MAU2: variants seen among roughly 807,000 people sequenced by gnomAD.
MAU2 encodes MAU2 chromatid cohesion factor homolog.
In MAU2, 9 loss-of-function variants were observed where a neutral mutation model predicts 89.1. The observed-to-expected ratio is 0.10, with a 90% CI of 0.06 to 0.18. The LOEUF (loss-of-function observed/expected upper bound fraction) is 0.18. Among genes scored for constraint, MAU2 ranks in the 10% least tolerant of loss-of-function variants. The probability of loss-of-function intolerance (pLI) is 1.00; values close to 1 mark genes in which losing one functional copy is unlikely to be tolerated. For missense variants in MAU2, 425 were observed against 803.5 expected, an observed-to-expected ratio of 0.53 and a Z score of 5.69; for synonymous variants, 357 against 343.4, an observed-to-expected ratio of 1.04 and a Z score of -0.44.
intron 12 of MAU2, 53 bp from the exon 13 acceptor site, chr19:19,347,227 C>T (rs1246703271): frequency 8.9e-7 from 1 of 1,126,400 alleles, no homozygotes; most frequent in African/African-American, 1.5e-5. Context: ...GACACTGCCA[C>T]ATGGGTCACA....
chr19:19,349,148 C>T lies in MAU2; in HGVS notation c.1359-7C>T. 1 of 1,614,056 alleles carries T rather than the reference C, an allele frequency of 6.2e-7. No homozygotes were observed. The highest frequency in any genetic ancestry group is 8.5e-7 in the Non-Finnish European group (1 of 1,180,020). On this transcript the variant is annotated splice_region_variant and splice_polypyrimidine_tract_variant and intron_variant, in intron 14 of 18. Transcript: ENST00000262815. ...CCACCCCATGTGATACTGCACTCTC[C>T]CTGCAGCTCGCACTGCCTCCGAGCA... is the stretch of plus-strand genomic sequence containing the variant.
chr19:19,327,894 C>T (rs758724987), intron 1 of MAU2, among the ~76,000 whole-genome samples: 4 of 151,916 alleles, frequency 2.6e-5, no homozygotes, highest in Admixed American at 2.0e-4. Flanking sequence ...TCTGGGACTC[C>T]CCTAAGTAAA....
At position 19,337,194 on chromosome 19, in the gene MAU2, C is replaced by T. The variant is rs763553054; in HGVS notation, c.385C>T (p.Leu129=). The T allele has an allele frequency of 2.5e-6, 4 of 1,613,570 alleles. No individual in the cohort carries two copies. Among genetic ancestry groups the T allele is most frequent in the Non-Finnish European group, 3.4e-6 (4 of 1,179,752 alleles). Residue 129 remains leucine, a synonymous_variant, in exon 4 of 19, where the codon CTG becomes TTG. Coordinates refer to ENST00000262815, the MANE Select transcript of MAU2 (RefSeq NM_015329.4). ...QENSVDAAKP[L]LRKAIQISQQ... ...GAATTCCGTTGATGCAGCAAAGCCG[C>T]TGCTGCGGAAGGCGATCCAGATCTC...
chr19:19,336,038 T>A, intron 2 of MAU2, 84 bp from the exon 3 acceptor site: 1 of 983,554 alleles, frequency 1.0e-6, no homozygotes, highest in Non-Finnish European at 1.6e-6. Flanking sequence ...CTGCAGACCT[T>A]GGCAGGGTAG....
intron 1 of MAU2, among the ~76,000 whole-genome samples, chr19:19,332,326 AT>A (rs35913129): frequency 0.18 from 17,812 of 101,664 alleles, 1,289 homozygotes; most frequent in Middle Eastern, 0.29. Flanking sequence ...TGCCTGGCTG[AT>A]TTTTTTTTTT....
At chr19:19,321,335 C>G (rs1187678351) in intron 1 of MAU2, among the ~76,000 whole-genome samples, 200 bp downstream of exon 1, 1 of 152,190 alleles carries the variant, frequency 6.6e-6, no homozygotes, top group Non-Finnish European at 1.5e-5. Context: ...CCTCGCCCCC[C>G]ACGCCTTATT....
rs2146640846 is a variant in MAU2, at chr19:19,321,004, C to T, written c.145C>T (p.His49Tyr). ...CCCGCCCAAAATCCGCCTGTGCGTG[C>T]ACTGCCTGCAGGCCGTGTTCCCCTT... Reference protein sequence around the residue: ...SSPPKIRLCVHCLQAVFPFKP... With the variant: ...SSPPKIRLCVYCLQAVFPFKP... The change falls in exon 1 of 19, where the codon CAC (histidine) becomes TAC (tyrosine). Residue 49 changes from histidine to tyrosine, a missense_variant. This residue lies in a region of MAU2 where 57 missense variants were observed against 57.5 expected (regional missense o/e 0.99). Coordinates refer to ENST00000262815, the MANE Select transcript of MAU2 (RefSeq NM_015329.4). 1.9e-6 allele frequency: 3 copies of T among 1,611,258 alleles called. No individual in the cohort carries two copies. Among genetic ancestry groups the T allele is most frequent in the Non-Finnish European group, 2.5e-6 (3 of 1,178,842 alleles).
At chr19:19,321,967 G>T (rs1288713114) in intron 1 of MAU2, 1 of 151,844 alleles carries the variant, frequency 6.6e-6, no homozygotes, top group African/African-American at 2.4e-5. Flanking sequence ...ATGCGGGAGA[G>T]TGGCTGTCAT....
intron 12 of MAU2, among the ~76,000 whole-genome samples, chr19:19,346,317 G>A (rs1216682530): frequency 3.9e-5 from 6 of 152,058 alleles, no homozygotes; most frequent in African/African-American, 7.2e-5. Flanking sequence ...TGCCATCTCC[G>A]TCTCCGTCTC....
rs760296835 is a variant in MAU2, at chr19:19,345,218, C to T, written c.1156-86C>T. 1.2e-5 allele frequency: 14 copies of T among 1,211,614 alleles called. No individual in the cohort carries two copies. The highest frequency in any genetic ancestry group is 6.1e-5 in the South Asian group (5 of 81,704). 75.1% of individuals were successfully genotyped at this position (1,211,614 alleles called of 1,614,324 possible). A position where few individuals can be genotyped will look rare whatever the true frequency, so the allele number is the denominator to read the frequency against. ...CATTGTCATACTCCTCCAGGGCAGC[C>T]GTGCAGGCCCCGGGCACACCACGTG... On this transcript the variant is annotated intron_variant, in intron 11 of 18. Transcript: ENST00000262815. The surrounding 1 kb of genome is among the most constrained non-coding windows in gnomAD (Gnocchi z 4.9).
intron 9 of MAU2, among the ~76,000 whole-genome samples, chr19:19,343,416 T>C (rs1271994927): frequency 6.6e-6 from 1 of 152,210 alleles, no homozygotes; most frequent in East Asian, 1.9e-4. Context: ...TGTGCTTCTC[T>C]TATTCCCATA....
At chr19:19,346,494 C>A (rs1189646001) in intron 12 of MAU2, among the ~76,000 whole-genome samples, 8 of 152,160 alleles carry the variant, frequency 5.3e-5, no homozygotes, top group Admixed American at 5.2e-4. Context: ...ACCCCAAACA[C>A]ACACGCCTCC....
intron 1 of MAU2, among the ~76,000 whole-genome samples, chr19:19,323,255 C>T (rs181558739): frequency 4.0e-5 from 6 of 151,028 alleles, no homozygotes; most frequent in East Asian, 2.0e-4. Context: ...AGTGCAGTGG[C>T]GCGGTCTTGG....
At chr19:19,354,561 C>T (rs1348473343) in intron 17 of MAU2, 116 bp downstream of exon 17, 2 of 881,836 alleles carry the variant, frequency 2.3e-6, no homozygotes, top group East Asian at 5.3e-5. Context: ...TGGGCCGCAG[C>T]CCCAGTTCTA....
chr19:19,343,204 C>T lies in MAU2; in HGVS notation c.973+338C>T, dbSNP rs78712672. ...GGATCAGAACTCAGCCCTCACTGAC[C>T]ACCAGCATGTCCTTTGGAGGTCGTG... On this transcript the variant is annotated intron_variant, in intron 9 of 18. Coordinates refer to ENST00000262815, the MANE Select transcript of MAU2 (RefSeq NM_015329.4). Among the ~76,000 whole-genome samples the T allele has an allele frequency of 4.5e-3, 689 of 152,318 alleles. 6 individuals carry two copies. Among genetic ancestry groups the T allele is most frequent in the African/African-American group, 0.016 (653 of 41,554 alleles).
intron 13 of MAU2, chr19:19,348,035 C>G (rs1423065680): frequency 6.5e-6 from 1 of 153,380 alleles, no homozygotes; most frequent in African/African-American, 2.4e-5. Context: ...GGATGTCCCT[C>G]AGTTCTAGTA....
At chr19:19,344,286 C>T (rs2061676085) in intron 10 of MAU2, 1 of 290,166 alleles carries the variant, frequency 3.4e-6, no homozygotes, top group African/African-American at 2.2e-5. Context: ...GTGGCAGACA[C>T]CTGTAATCCC....
chr19:19,342,036 G>C (rs929493090), intron 7 of MAU2, among the ~76,000 whole-genome samples: 1 of 152,164 alleles, frequency 6.6e-6, no homozygotes, highest in Non-Finnish European at 1.5e-5. Flanking sequence ...TTGCCCATTG[G>C]GTGAAGCACT....
At position 19,343,925 on chromosome 19, in the gene MAU2, C is replaced by A. The variant is rs2061673079; in HGVS notation, c.1062C>A (p.Ala354=). The A allele has an allele frequency of 6.2e-7, 1 of 1,612,274 alleles. No homozygotes were observed. The highest frequency in any genetic ancestry group is 1.3e-5 in the African/African-American group (1 of 74,940). Residue 354 remains alanine, a synonymous_variant, in exon 10 of 19, where the codon GCC becomes GCA. Transcript: ENST00000262815. ...IMCRLVTGHK[A]TALQEISQVC... ...GCCGCCTTGTCACGGGTCACAAGGCCACGGCGCTGCAGGAGGTAAGGCTGG... is the reference window on the plus strand; with the variant it reads ...GCCGCCTTGTCACGGGTCACAAGGCAACGGCGCTGCAGGAGGTAAGGCTGG...
Sources: allele counts gnomAD v4.1 joint callset (sites outside exome capture counted in the v4.1 genomes callset), GRCh38; gene constraint gnomAD v4.1.1; regional missense constraint gnomAD v4.1.1; non-coding constraint Gnocchi (gnomAD v3.1); transcripts MANE v1.5; gene names NCBI Gene and HGNC (gene_info 2026-07-23, HGNC 2026-07-21).